NXN: variants seen among roughly 807,000 people sequenced by gnomAD.
NXN encodes nucleoredoxin.
In NXN, 16 loss-of-function variants were observed where a neutral mutation model predicts 48.6. The observed-to-expected ratio is 0.33, with a 90% CI of 0.22 to 0.50. NXN has a LOEUF of 0.50. Among genes scored for constraint, NXN ranks in the 20% least tolerant of loss-of-function variants. The probability of loss-of-function intolerance (pLI) is 0.98; values close to 1 mark genes in which losing one functional copy is unlikely to be tolerated. For synonymous variants in NXN, 281 were observed against 269.6 expected (o/e 1.04, Z -0.41); for missense variants, 492 against 605.5 (o/e 0.81, Z 1.97).
At chr17:962,366 G>C (rs1034997391) in intron 1 of NXN, among the ~76,000 whole-genome samples, 7 of 151,980 alleles carry the variant, frequency 4.6e-5, no homozygotes, top group Non-Finnish European at 1.0e-4. Flanking sequence ...AGGTCCTTCT[G>C]TGATAAAAAG....
chr17:945,504 G>A (rs1224677458), intron 1 of NXN, among the ~76,000 whole-genome samples: 5 of 151,206 alleles, frequency 3.3e-5, no homozygotes, highest in East Asian at 4.0e-4. Flanking sequence ...GGTGGCGGGC[G>A]CCTGTAGTCC....
intron 1 of NXN, among the ~76,000 whole-genome samples, chr17:866,236 T>C (rs1567840101): frequency 6.6e-6 from 1 of 151,980 alleles, no homozygotes; most frequent in East Asian, 1.9e-4. Context: ...GAACAGACAA[T>C]ACCCGTCACA....
At chr17:841,728 G>T (rs1173490332) in intron 1 of NXN, among the ~76,000 whole-genome samples, 1 of 151,668 alleles carries the variant, frequency 6.6e-6, no homozygotes, top group African/African-American at 2.4e-5. Context: ...CCTGACAAAG[G>T]AAAGGGAGAG....
At chr17:886,012 T>C (rs1320309696) in intron 1 of NXN, among the ~76,000 whole-genome samples, 1 of 152,038 alleles carries the variant, frequency 6.6e-6, no homozygotes, top group Non-Finnish European at 1.5e-5. Context: ...TAATGCTCCT[T>C]AGAAAATTCT....
In NXN at chr17:819,907, C is replaced by T. The variant is rs183360605; in HGVS notation, c.714-362G>A. 2.9e-3 allele frequency among the ~76,000 whole-genome samples: 442 copies of T among 152,286 alleles called. 2 individuals carry two copies. The highest frequency in any genetic ancestry group is 0.017 in the Middle Eastern group (5 of 294). On this transcript the variant is annotated intron_variant, in intron 4 of 7. Coordinates refer to ENST00000336868, the MANE Select transcript of NXN (RefSeq NM_022463.5). Reference sequence around the variant, plus strand: ...ACCCGCGGGAGTTCTAATTTGTGCACGGAACAGTGACTCATATGGGACCTC... The same window carrying T: ...ACCCGCGGGAGTTCTAATTTGTGCATGGAACAGTGACTCATATGGGACCTC...
chr17:852,408 C>T (rs969074334), intron 1 of NXN, among the ~76,000 whole-genome samples: 2 of 152,188 alleles, frequency 1.3e-5, no homozygotes, highest in African/African-American at 2.4e-5. Context: ...GCATCTTGCT[C>T]CCCAAACTCA....
At chr17:908,423 C>A (rs2068601249) in intron 1 of NXN, among the ~76,000 whole-genome samples, 1 of 151,964 alleles carries the variant, frequency 6.6e-6, no homozygotes, top group Non-Finnish European at 1.5e-5. Flanking sequence ...GTAATCCCAG[C>A]TACTTGGGAG....
chr17:847,724 C>A (rs1016513060), intron 1 of NXN, among the ~76,000 whole-genome samples: 7 of 152,108 alleles, frequency 4.6e-5, no homozygotes, highest in African/African-American at 1.7e-4. Flanking sequence ...GGTTCCGTCA[C>A]ACAATGAAAT....
intron 1 of NXN, among the ~76,000 whole-genome samples, chr17:955,750 A>C (rs1790955382): frequency 6.6e-6 from 1 of 151,448 alleles, no homozygotes; most frequent in South Asian, 2.1e-4. Context: ...AATACAAAAA[A>C]AATTAGCCGG....
intron 1 of NXN, among the ~76,000 whole-genome samples, chr17:931,809 T>G (rs2068857172): frequency 8.8e-6 from 1 of 113,456 alleles, no homozygotes; most frequent in Admixed American, 1.1e-4. Flanking sequence ...CACTCCAGCC[T>G]GGGCGACAGA....
At position 835,578 on chromosome 17, in the gene NXN, G is replaced by A. The variant is rs147990819; in HGVS notation, c.361-9500C>T. Among the ~76,000 whole-genome samples the A allele has an allele frequency of 3.3e-3, 502 of 152,314 alleles. 4 individuals carry two copies. Among genetic ancestry groups the A allele is most frequent in the African/African-American group, 0.012 (480 of 41,556 alleles). ...GGAACTATCCTAGGAATGCAGGCCAGAAACGCTTCTACAGTGACCAACAAA... is the reference window on the plus strand; with the variant it reads ...GGAACTATCCTAGGAATGCAGGCCAAAAACGCTTCTACAGTGACCAACAAA... On this transcript the variant is annotated intron_variant, in intron 1 of 7. Transcript: ENST00000336868.
Position 871,029 on chromosome 17 carries a change from T to C in NXN, c.361-44951A>G, listed in dbSNP as rs903589629. Reference sequence around the variant, plus strand: ...GCCCGCCATCACGCCCAGCTAAATTTTTTTTGTATTTTTAGTAGAGACGGG... The same window carrying C: ...GCCCGCCATCACGCCCAGCTAAATTCTTTTTGTATTTTTAGTAGAGACGGG... On this transcript the variant is annotated intron_variant, in intron 1 of 7. Coordinates refer to ENST00000336868, the MANE Select transcript of NXN (RefSeq NM_022463.5). 7.9e-5 allele frequency among the ~76,000 whole-genome samples: 12 copies of C among 151,840 alleles called. No homozygotes were observed. The East Asian group carries it at 2.4e-3, about 30-fold the overall frequency.
At chr17:841,025 G>A (rs1914142828) in intron 1 of NXN, among the ~76,000 whole-genome samples, 1 of 152,182 alleles carries the variant, frequency 6.6e-6, no homozygotes, top group Non-Finnish European at 1.5e-5. Context: ...GATGGCTTGG[G>A]TTCGAATCCC....
intron 1 of NXN, among the ~76,000 whole-genome samples, chr17:832,682 T>TC (rs1267844667): frequency 3.3e-5 from 5 of 152,096 alleles, no homozygotes; most frequent in Non-Finnish European, 7.4e-5. Flanking sequence ...GACATGTCTT[T>TC]CCTCTCGGAA....
At chr17:835,250 G>C (rs2144685216) in intron 1 of NXN, among the ~76,000 whole-genome samples, 1 of 151,034 alleles carries the variant, frequency 6.6e-6, no homozygotes, top group East Asian at 2.0e-4. Flanking sequence ...GGAGCTTGCA[G>C]TGAGCTGAGA....
chr17:824,380 G>A lies in NXN; in HGVS notation c.479-615C>T, dbSNP rs376692171. On this transcript the variant is annotated intron_variant, in intron 2 of 7. Transcript: ENST00000336868. ...GGCTTTTGAAAAGTACAAACGCCCAGGCCACATCCTGAGGCTGGAGACCCA... is the reference window on the plus strand; with the variant it reads ...GGCTTTTGAAAAGTACAAACGCCCAAGCCACATCCTGAGGCTGGAGACCCA... Among the ~76,000 whole-genome samples the A allele has an allele frequency of 1.6e-4, 24 of 152,308 alleles. No individual in the cohort carries two copies. The South Asian group carries it at 2.9e-3, about 18-fold the overall frequency.
At chr17:913,532 T>C (rs1038434810) in intron 1 of NXN, among the ~76,000 whole-genome samples, 6 of 152,044 alleles carry the variant, frequency 3.9e-5, no homozygotes, top group African/African-American at 1.2e-4. Context: ...AGTCGGTCAG[T>C]TTCCCAGAGA....
At chr17:970,448 G>A (rs1236510266) in intron 1 of NXN, among the ~76,000 whole-genome samples, 1 of 151,924 alleles carries the variant, frequency 6.6e-6, no homozygotes. Context: ...CATTAAAAAG[G>A]CCCTTAGAAA....
chr17:936,723 AT>A (rs796617283), intron 1 of NXN, among the ~76,000 whole-genome samples: 12 of 150,174 alleles, frequency 8.0e-5, no homozygotes, highest in African/African-American at 2.7e-4. Context: ...TTCAGAATCC[AT>A]GGATTTATAA....
Sources: allele counts gnomAD v4.1 joint callset (sites outside exome capture counted in the v4.1 genomes callset), GRCh38; gene constraint gnomAD v4.1.1; transcripts MANE v1.5; gene names NCBI Gene and HGNC (gene_info 2026-07-23, HGNC 2026-07-21).